The following LNPK variants were observed in gnomAD, a reference collection of about 807,000 sequenced individuals.
LNPK encodes the protein lunapark, ER junction formation factor.
In LNPK, 29 loss-of-function variants were observed where a neutral mutation model predicts 55.2. The ratio of observed to expected loss-of-function variants is 0.53; its 90% CI spans 0.39 to 0.72. LNPK has a LOEUF of 0.72. Among genes scored for constraint, LNPK ranks in the 30% least tolerant of loss-of-function variants. The probability of loss-of-function intolerance (pLI) is 0.00; values close to 1 mark genes in which losing one functional copy is unlikely to be tolerated. For missense variants in LNPK, 467 were observed against 494.8 expected, an observed-to-expected ratio of 0.94 and a Z score of 0.53; for synonymous variants, 162 against 168.2, an observed-to-expected ratio of 0.96 and a Z score of 0.29.
chr2:175,993,215 A>G lies in LNPK; in HGVS notation c.36T>C (p.Pro12=). ...GGLFSRWRTK[P]STVEVLESID... Reference sequence around the variant, plus strand: ...TACTTTCTAGAACTTCTACAGTTGAAGGTTTTGTCTGTTATACAAACAGAA... The same window carrying G: ...TACTTTCTAGAACTTCTACAGTTGAGGGTTTTGTCTGTTATACAAACAGAA... The change falls in exon 3 of 13, where the codon CCT becomes CCC. Residue 12 remains proline, a synonymous_variant. Coordinates refer to ENST00000272748, the MANE Select transcript of LNPK (RefSeq NM_030650.3). 1 of 1,560,078 alleles carries G rather than the reference A, an allele frequency of 6.4e-7. No individual in the cohort carries two copies. Among genetic ancestry groups the G allele is most frequent in the Middle Eastern group, 1.7e-4 (1 of 5,932 alleles).
At chr2:175,967,241 GGTT>G (rs978347609) in intron 6 of LNPK, among the ~76,000 whole-genome samples, 10 of 152,000 alleles carry the variant, frequency 6.6e-5, no homozygotes, top group Non-Finnish European at 1.0e-4. Flanking sequence ...TTGTACTAAA[GGTT>G]TTAGGGGCTT....
chr2:175,970,829 G>T (rs2105653222), intron 5 of LNPK, 25 bp from the exon 6 acceptor site: 1 of 1,401,968 alleles, frequency 7.1e-7, no homozygotes, highest in Non-Finnish European at 9.5e-7. Context: ...TTAAATCAAA[G>T]ATTAAGATAT....
At position 175,964,405 on chromosome 2, in the gene LNPK, C is replaced by A. The variant is rs764037220; in HGVS notation, c.460G>T (p.Ala154Ser). ...KKAKECEPPS[A>S]GAAVTARPGQ... ...GGTCTTGCAGTTACAGCTGCTCCAG[C>A]AGATGGCGGCTCACACTCCTGTCAA... is the stretch of plus-strand genomic sequence containing the variant. Residue 154 changes from alanine to serine, a missense_variant, in exon 8 of 13, where the codon GCT (alanine) becomes TCT (serine). Coordinates refer to ENST00000272748, the MANE Select transcript of LNPK (RefSeq NM_030650.3). The A allele has an allele frequency of 1.2e-6, 2 of 1,613,422 alleles. No individual in the cohort carries two copies. Among genetic ancestry groups the A allele is most frequent in the African/African-American group, 1.3e-5 (1 of 74,910 alleles).
At chr2:175,980,293 A>G (rs1042901965) in intron 4 of LNPK, among the ~76,000 whole-genome samples, 2 of 152,208 alleles carry the variant, frequency 1.3e-5, no homozygotes, top group South Asian at 2.1e-4. Context: ...AGAGCATTAT[A>G]CAAATGTAAG....
chr2:175,960,040 A>C (rs1685928865), intron 8 of LNPK, among the ~76,000 whole-genome samples: 2 of 152,218 alleles, frequency 1.3e-5, no homozygotes, highest in Admixed American at 6.5e-5. Flanking sequence ...CACCCAACAC[A>C]GGAGCACCCA....
chr2:175,978,900 G>C (rs1302843550), intron 5 of LNPK, among the ~76,000 whole-genome samples: 4 of 152,104 alleles, frequency 2.6e-5, no homozygotes, highest in African/African-American at 9.7e-5. Context: ...ATAGTCGTTG[G>C]GGTAGATTAT....
intron 12 of LNPK, among the ~76,000 whole-genome samples, chr2:175,934,198 ATTAT>A (rs1471640437): frequency 6.6e-6 from 1 of 152,238 alleles, no homozygotes; most frequent in Admixed American, 6.5e-5. Context: ...GTATAAAAAG[ATTAT>A]TTAATGGATC....
At chr2:175,953,207 T>C (rs376796867) in intron 8 of LNPK, among the ~76,000 whole-genome samples, 5 of 152,236 alleles carry the variant, frequency 3.3e-5, no homozygotes, top group African/African-American at 1.2e-4. Flanking sequence ...TCTTTCTTCA[T>C]CTACTCTTAA....
At position 175,981,532 on chromosome 2, in the gene LNPK, C is replaced by A. The variant is rs944593280; in HGVS notation, c.258-1664G>T. ...ACAATTAGCTTTGGCATGTAAATTCCTGGATTATACAAAGAAAAAGGAAAC... is the reference window on the plus strand; with the variant it reads ...ACAATTAGCTTTGGCATGTAAATTCATGGATTATACAAAGAAAAAGGAAAC... On this transcript the variant is annotated intron_variant, in intron 4 of 12. Transcript: ENST00000272748. Among the ~76,000 whole-genome samples, 12 of 151,928 alleles carry A rather than the reference C, an allele frequency of 7.9e-5. 1 individual carries two copies. Among genetic ancestry groups the A allele is most frequent in the Non-Finnish European group, 2.9e-5 (2 of 67,994 alleles).
chr2:175,947,492 C>T lies in LNPK; in HGVS notation c.694G>A (p.Val232Met), dbSNP rs544085332. ...PRHLGSPATS[V>M]PGMGLHPPGP... ...GTGCTCTGTTTACCCATTCCAGGCA[C>T]TGAAGTAGCAGGGGATCCAAGATGT... is the stretch of plus-strand genomic sequence containing the variant. Residue 232 changes from valine to methionine, a missense_variant, in exon 9 of 13, where the codon GTG (valine) becomes ATG (methionine). Val to Met is a conservative substitution (Grantham distance 21). Transcript: ENST00000272748. 6.2e-7 allele frequency: 1 copy of T among 1,613,250 alleles called. No homozygotes were observed. Among genetic ancestry groups the T allele is most frequent in the Admixed American group, 1.7e-5 (1 of 60,018 alleles).
At chr2:175,988,113 T>G (rs1180923133) in intron 4 of LNPK, among the ~76,000 whole-genome samples, 1 of 152,206 alleles carries the variant, frequency 6.6e-6, no homozygotes, top group Admixed American at 6.5e-5. Flanking sequence ...TCTTTCACCC[T>G]TTCTGCCAAA....
At chr2:175,948,015 A>G (rs1446833423) in intron 8 of LNPK, among the ~76,000 whole-genome samples, 1 of 152,200 alleles carries the variant, frequency 6.6e-6, no homozygotes, top group African/African-American at 2.4e-5. Flanking sequence ...ATAATAAAGG[A>G]AAGAAAGTTT....
At chr2:175,951,137 T>A (rs1839009) in intron 8 of LNPK, among the ~76,000 whole-genome samples, 3 of 152,064 alleles carry the variant, frequency 2.0e-5, no homozygotes, top group Admixed American at 2.0e-4. Flanking sequence ...GAAGGTTTTG[T>A]CTTTGTTCTA....
At chr2:175,934,068 TAAGTGA>T (rs1684422446) in intron 12 of LNPK, among the ~76,000 whole-genome samples, 1 of 152,140 alleles carries the variant, frequency 6.6e-6, no homozygotes, top group African/African-American at 2.4e-5. Flanking sequence ...ACTAAACTAT[TAAGTGA>T]AAGTGTTTTA....
intron 9 of LNPK, among the ~76,000 whole-genome samples, chr2:175,943,981 G>C (rs763813346): frequency 6.6e-4 from 100 of 152,186 alleles, no homozygotes; most frequent in Non-Finnish European, 1.1e-3. Context: ...AAAGGGAGAA[G>C]TAGAATTTTC....
chr2:175,929,489 A>T lies in LNPK; in HGVS notation c.*478T>A. On this transcript the variant is annotated 3_prime_UTR_variant, in exon 13 of 13. Coordinates refer to ENST00000272748, the MANE Select transcript of LNPK (RefSeq NM_030650.3). ...TCATACCGCTTAATGTAAACACCTA[A>T]ATAGACATTTCTCCCAGTTGTAAAT... 1 of 993,612 alleles carries T rather than the reference A, an allele frequency of 1.0e-6. No individual in the cohort carries two copies. Among genetic ancestry groups the T allele is most frequent in the South Asian group, 4.6e-5 (1 of 21,966 alleles). The allele number at this position is 993,612 out of a possible 1,614,324, so 61.5% of individuals were successfully genotyped here. A position where few individuals can be genotyped will look rare whatever the true frequency, so the allele number is the denominator to read the frequency against.
rs556625914 is a variant in LNPK at position 175,937,423 on chromosome 2, C to T, written c.975G>A (p.Arg325=). The T allele has an allele frequency of 2.5e-6, 4 of 1,613,806 alleles. No homozygotes were observed. Among genetic ancestry groups the T allele is most frequent in the South Asian group, 1.1e-5 (1 of 91,072 alleles). ...CTGAACTTGAACCTTCCACCACCTG[C>T]CTCTTCTCAAAACTAAACTCAGGAA... ...PRLPEFSFEK[R]QVVEGSSSVG... Residue 325 remains arginine, a synonymous_variant, in exon 12 of 13, where the codon AGG becomes AGA. Coordinates refer to ENST00000272748, the MANE Select transcript of LNPK (RefSeq NM_030650.3).
At chr2:175,951,584 C>CATAG (rs1553501551) in intron 8 of LNPK, among the ~76,000 whole-genome samples, 2 of 90,732 alleles carry the variant, frequency 2.2e-5, no homozygotes, top group Non-Finnish European at 2.4e-5. Flanking sequence ...TTCCATCATT[C>CATAG]ATATATATAT....
rs539405401 is a variant in LNPK at position 176,002,261 on chromosome 2, G to A, written c.-164C>T. ...GAGCAGGCAGCAGCCGCCACTGACAGAGAGACAAGCCGGGCCAACTCCTTC... is the reference window on the plus strand; with the variant it reads ...GAGCAGGCAGCAGCCGCCACTGACAAAGAGACAAGCCGGGCCAACTCCTTC... On this transcript the variant is annotated 5_prime_UTR_variant, in exon 1 of 13. Coordinates refer to ENST00000272748, the MANE Select transcript of LNPK (RefSeq NM_030650.3). 2.0e-5 allele frequency: 9 copies of A among 450,038 alleles called. No homozygotes were observed. The highest frequency in any genetic ancestry group is 7.3e-5 in the East Asian group (1 of 13,714). 27.9% of individuals were successfully genotyped at this position (450,038 alleles called of 1,614,324 possible).
Sources: gnomAD v4.1 joint callset for allele counts (sites outside exome capture counted in the v4.1 genomes callset) on GRCh38, gnomAD v4.1.1 for gene constraint, MANE v1.5 for transcripts, NCBI Gene and HGNC (gene_info 2026-07-23, HGNC 2026-07-21) for gene names.